Variants in TCP11L1 observed in about 807,000 individuals in gnomAD.
The protein encoded by TCP11L1 is T-complex protein 11-like protein 1.
TCP11L1 carries 28 observed loss-of-function variants against 48.9 expected under a neutral mutation model. That is an observed-to-expected ratio of 0.57 (90% CI 0.42 to 0.78). The LOEUF (loss-of-function observed/expected upper bound fraction) is 0.78. TCP11L1 is among the 30% of genes least tolerant of loss of function. The probability of loss-of-function intolerance (pLI) is 0.00; values close to 1 mark genes in which losing one functional copy is unlikely to be tolerated. For synonymous variants in TCP11L1, 204 were observed against 231.9 expected (o/e 0.88, Z 1.09); for missense variants, 505 against 613.4 (o/e 0.82, Z 1.87).
intron 9 of TCP11L1, among the ~76,000 whole-genome samples, chr11:33,069,297 G>T (rs1854709014): frequency 6.6e-6 from 1 of 151,896 alleles, no homozygotes; most frequent in Non-Finnish European, 1.5e-5. Context: ...AAATGAAGAT[G>T]TTATTTAAAA....
chr11:33,068,841 C>G lies in TCP11L1; in HGVS notation c.1309C>G (p.Pro437Ala), dbSNP rs1430422524. The G allele has an allele frequency of 6.2e-7, 1 of 1,613,270 alleles. No individual in the cohort carries two copies. The highest frequency in any genetic ancestry group is 2.2e-5 in the East Asian group (1 of 44,842). Residue 437 changes from proline to alanine, a missense_variant, in exon 9 of 10, where the codon CCC becomes GCC. Around this residue, in one of 3 missense-constraint regions of TCP11L1, gnomAD observed 335 missense variants for 413.3 expected, o/e 0.81. Coordinates refer to ENST00000334274, the MANE Select transcript of TCP11L1 (RefSeq NM_018393.4). The stretch of plus-strand genomic sequence containing the variant: ...CCAGGCCGTGGCCAGTCCCGATGAC[C>G]CCATTCGCAGGATCATGGGTACGTT... Reference protein sequence around the residue: ...QIQAVASPDDPIRRIMESRIL... With the variant: ...QIQAVASPDDAIRRIMESRIL...
At chr11:33,055,832 T>G (rs1255158047) in intron 3 of TCP11L1, among the ~76,000 whole-genome samples, 2 of 152,190 alleles carry the variant, frequency 1.3e-5, no homozygotes, top group African/African-American at 2.4e-5. Context: ...TGTTGTTGTT[T>G]TTTGAGATGG....
chr11:33,061,545 T>C lies in TCP11L1; in HGVS notation c.791T>C (p.Val264Ala), dbSNP rs1854466025. 1 of 1,604,710 alleles carries C rather than the reference T, an allele frequency of 6.2e-7. No homozygotes were observed. Among genetic ancestry groups the C allele is most frequent in the African/African-American group, 1.3e-5 (1 of 74,812 alleles). The change falls in exon 7 of 10, where the codon GTC becomes GCC. Residue 264 changes from valine to alanine, a missense_variant. Coordinates refer to ENST00000334274, the MANE Select transcript of TCP11L1 (RefSeq NM_018393.4). Reference protein sequence around the residue: ...LERQPNSLDFVTQWLEEASED... With the variant: ...LERQPNSLDFATQWLEEASED... ...TTTTTCACAGATTCCCTGGACTTTG[T>C]CACCCAGTGGCTGGAAGAAGCCTCA...
At chr11:33,054,427 A>C (rs1040727022) in intron 2 of TCP11L1, among the ~76,000 whole-genome samples, 166 bp from the exon 3 acceptor site, 19 of 152,198 alleles carry the variant, frequency 1.2e-4, no homozygotes, top group African/African-American at 4.6e-4. Context: ...AAGGGTAAAA[A>C]ATGAATATGA....
chr11:33,057,347 G>A (rs892436259), intron 4 of TCP11L1, 112 bp downstream of exon 4: 8 of 1,512,414 alleles, frequency 5.3e-6, no homozygotes, highest in African/African-American at 2.8e-5. Context: ...AGAAGTTAAA[G>A]TACTTGCCAG....
At chr11:33,044,068 A>ACTGC in intron 2 of TCP11L1, 132 bp downstream of exon 2, 1 of 893,454 alleles carries the variant, frequency 1.1e-6, no homozygotes, top group Non-Finnish European at 1.6e-6. Context: ...GCATTTAGGA[A>ACTGC]TAATAGCAGT....
intron 2 of TCP11L1, among the ~76,000 whole-genome samples, chr11:33,051,324 C>T (rs970710388): frequency 3.3e-5 from 5 of 151,904 alleles, no homozygotes; most frequent in Non-Finnish European, 7.4e-5. Context: ...CCTGCCATCA[C>T]GCCCGGCTAA....
rs758272541 is a variant in TCP11L1, at chr11:33,061,628, G to A, written c.874G>A (p.Gly292Ser). The A allele has an allele frequency of 6.2e-7, 1 of 1,612,996 alleles. No individual in the cohort carries two copies. The highest frequency in any genetic ancestry group is 8.5e-7 in the Non-Finnish European group (1 of 1,179,552). The change falls in exon 7 of 10, where the codon GGC becomes AGC. Residue 292 changes from glycine to serine, a missense_variant. Gly to Ser is a moderately conservative substitution (Grantham distance 56, BLOSUM62 0). Transcript: ENST00000334274. ...CCTGCCAGTGGGGGGAATGGCTGCT[G>A]GCTCTGGGGACATGCCCAGGCTGAG... ...HALPVGGMAA[G>S]SGDMPRLSPV...
intron 7 of TCP11L1, 146 bp from the exon 8 acceptor site, chr11:33,065,684 T>C: frequency 2.2e-6 from 2 of 892,174 alleles, no homozygotes; most frequent in Non-Finnish European, 3.5e-6. Context: ...AGGGGTTATT[T>C]CACACCAGAC....
At chr11:33,072,238 G>A (rs901666088) in intron 9 of TCP11L1, among the ~76,000 whole-genome samples, 1 of 152,226 alleles carries the variant, frequency 6.6e-6, no homozygotes, top group African/African-American at 2.4e-5. Context: ...GAGGAGACAT[G>A]ATGAACAAGA....
intron 2 of TCP11L1, among the ~76,000 whole-genome samples, chr11:33,051,325 G>A (rs1002120530): frequency 2.1e-4 from 32 of 151,662 alleles, no homozygotes; most frequent in African/African-American, 7.7e-4. Context: ...CTGCCATCAC[G>A]CCCGGCTAAT....
intron 1 of TCP11L1, among the ~76,000 whole-genome samples, chr11:33,041,702 G>A (rs1267142880): frequency 1.3e-5 from 2 of 151,984 alleles, no homozygotes; most frequent in Non-Finnish European, 2.9e-5. Flanking sequence ...AGTGAGCTGA[G>A]CCGAGATGGT....
chr11:33,040,838 T>C (rs2133682540), intron 1 of TCP11L1: 1 of 152,224 alleles, frequency 6.6e-6, no homozygotes, highest in South Asian at 2.1e-4. Flanking sequence ...AAAGATCAGT[T>C]CAAATGTCAT....
At chr11:33,060,004 A>T (rs1854423434) in intron 6 of TCP11L1, among the ~76,000 whole-genome samples, 1 of 152,146 alleles carries the variant, frequency 6.6e-6, no homozygotes, top group South Asian at 2.1e-4. Flanking sequence ...CATTTTACAG[A>T]TGTTGGAAAC....
intron 2 of TCP11L1, among the ~76,000 whole-genome samples, chr11:33,047,654 T>C (rs1854038855): frequency 6.6e-6 from 1 of 152,240 alleles, no homozygotes; most frequent in African/African-American, 2.4e-5. Context: ...AGACTTTGAA[T>C]TATGGTGTCT....
At chr11:33,042,981 A>C (rs1438078604) in intron 1 of TCP11L1, among the ~76,000 whole-genome samples, 2 of 152,196 alleles carry the variant, frequency 1.3e-5, no homozygotes, top group Non-Finnish European at 2.9e-5. Context: ...CAGGAGAATC[A>C]CTTGAAACCG....
At chr11:33,047,909 C>T (rs1346134887) in intron 2 of TCP11L1, among the ~76,000 whole-genome samples, 4 of 152,204 alleles carry the variant, frequency 2.6e-5, no homozygotes, top group African/African-American at 9.7e-5. Flanking sequence ...AAATGTCCGT[C>T]CACTTATGTA....
intron 9 of TCP11L1, among the ~76,000 whole-genome samples, chr11:33,070,282 AAAAG>A (rs150343648): frequency 0.019 from 2,935 of 151,872 alleles, 111 homozygotes; most frequent in African/African-American, 0.067. Context: ...CCCTGTTTCT[AAAAG>A]AAAGAAAGAA....
At chr11:33,054,862 C>A in intron 3 of TCP11L1, 137 bp downstream of exon 3, 2 of 1,110,484 alleles carry the variant, frequency 1.8e-6, no homozygotes, top group Non-Finnish European at 2.5e-6. Flanking sequence ...TATTCCTGAA[C>A]AAGGAACAAC....
Sources: gnomAD v4.1 joint callset for allele counts (sites outside exome capture counted in the v4.1 genomes callset) on GRCh38, gnomAD v4.1.1 for gene constraint, gnomAD v4.1.1 regional missense constraint, MANE v1.5 for transcripts, NCBI Gene and HGNC (gene_info 2026-07-23, HGNC 2026-07-21) for gene names.